The following CTPS1 variants were observed in gnomAD, a reference collection of about 807,000 sequenced individuals.
CTPS1 encodes CTP synthetase 1.
Under a neutral mutation model 80.5 loss-of-function variants are expected in CTPS1, and 25 were observed. The observed-to-expected ratio is 0.31, with a 90% CI of 0.23 to 0.43. The LOEUF is 0.43. CTPS1 is among the 20% of genes least tolerant of loss of function. The probability of loss-of-function intolerance (pLI) is 1.00; values close to 1 mark genes in which losing one functional copy is unlikely to be tolerated. For missense variants in CTPS1, 442 were observed against 725.7 expected (o/e 0.61, Z 4.49); for synonymous variants, 267 against 252.5 (o/e 1.06, Z -0.54).
At chr1:40,983,148 G>A in intron 1 of CTPS1, 130 bp from the exon 2 acceptor site, 1 of 684,310 alleles carries the variant, frequency 1.5e-6, no homozygotes, top group Non-Finnish European at 2.4e-6. Context: ...ACCTTCTGAA[G>A]TCCTGTGACA....
At position 41,007,954 on chromosome 1, in the gene CTPS1, G is replaced by A. The variant is rs1204859050; in HGVS notation, c.1393+409G>A. On this transcript the variant is annotated intron_variant, in intron 14 of 18. Coordinates refer to ENST00000650070, the MANE Select transcript of CTPS1 (RefSeq NM_001905.4). This position sits in a 1 kb window ranked among gnomAD's most constrained non-coding sequence, Gnocchi z 4.4. ...AATAAAGTACTAATAGATGCTGAAG[G>A]TTTAGGGTAGTTTTCGGAGGAAAAT... Among the ~76,000 whole-genome samples, 4 of 152,226 alleles carry A rather than the reference G, an allele frequency of 2.6e-5. No individual in the cohort carries two copies. Among genetic ancestry groups the A allele is most frequent in the Non-Finnish European group, 5.9e-5 (4 of 68,030 alleles).
intron 4 of CTPS1, 42 bp downstream of exon 4, chr1:40,987,514 C>T (rs199692447): frequency 1.5e-6 from 2 of 1,365,196 alleles, no homozygotes; most frequent in Non-Finnish European, 2.1e-6. Context: ...GTACTCATCT[C>T]CTTAGTCAGC....
intron 9 of CTPS1, 90 bp from the exon 10 acceptor site, chr1:41,000,939 T>G (rs1003035458): frequency 1.9e-5 from 15 of 782,278 alleles, no homozygotes; most frequent in Non-Finnish European, 2.9e-5. Context: ...GAAAGACAAC[T>G]TTGATAAAAT....
At chr1:41,005,003 C>T (rs1642997444) in intron 12 of CTPS1, among the ~76,000 whole-genome samples, 1 of 151,876 alleles carries the variant, frequency 6.6e-6, no homozygotes, top group Admixed American at 6.6e-5. Context: ...GTGGTGTGCG[C>T]CTGTAATCCC....
At chr1:40,984,768 C>T in intron 2 of CTPS1, 53 bp from the exon 3 acceptor site, 1 of 1,325,822 alleles carries the variant, frequency 7.5e-7, no homozygotes, top group Non-Finnish European at 1.0e-6. Flanking sequence ...TGCAGTTGTG[C>T]CATGGTATAG....
At chr1:40,988,035 C>T (rs1642500555) in intron 4 of CTPS1, among the ~76,000 whole-genome samples, 1 of 152,142 alleles carries the variant, frequency 6.6e-6, no homozygotes, top group Non-Finnish European at 1.5e-5. Context: ...ACCTTAGCCT[C>T]CCAAGTAGCT....
chr1:40,988,007 G>C lies in CTPS1; in HGVS notation c.438+535G>C, dbSNP rs572715374. On this transcript the variant is annotated intron_variant, in intron 4 of 18. Transcript: ENST00000650070. ...GGCTCACTGCAACCTTGACCTCCTGGGCTCAAGCAGTTCTCCTACCTTAGC... is the reference window on the plus strand; with the variant it reads ...GGCTCACTGCAACCTTGACCTCCTGCGCTCAAGCAGTTCTCCTACCTTAGC... Among the ~76,000 whole-genome samples, 14 of 152,148 alleles carry C rather than the reference G, an allele frequency of 9.2e-5. No homozygotes were observed. In the East Asian group the frequency reaches 1.2e-3, roughly 13 times the overall value.
At chr1:40,998,809 C>G (rs1355301643) in intron 9 of CTPS1, among the ~76,000 whole-genome samples, 1 of 152,172 alleles carries the variant, frequency 6.6e-6, no homozygotes, top group African/African-American at 2.4e-5. Context: ...CTTTCTACTT[C>G]CCAGGTGTTT....
chr1:40,992,039 C>G (rs185783607), intron 7 of CTPS1, among the ~76,000 whole-genome samples, 194 bp downstream of exon 7: 2 of 152,278 alleles, frequency 1.3e-5, no homozygotes, highest in Admixed American at 1.3e-4. Context: ...GCCTCTTCTC[C>G]GTGCCTCGTT....
intron 1 of CTPS1, chr1:40,980,739 GCCTTCCGTCA>G (rs1342524881): frequency 6.6e-6 from 1 of 152,218 alleles, no homozygotes; most frequent in African/African-American, 2.4e-5. Flanking sequence ...ACCTTCTTGC[GCCTTCCGTCA>G]CCTTCAGGAT....
chr1:40,990,619 G>C (rs992426653), intron 5 of CTPS1, among the ~76,000 whole-genome samples: 2 of 148,440 alleles, frequency 1.3e-5, no homozygotes, highest in Non-Finnish European at 3.0e-5. Flanking sequence ...AGCCTGTCTC[G>C]ATTTAAAAAA....
rs114122476 is a variant in CTPS1, at chr1:41,003,035, G to A, written c.1190-79G>A. 5.8e-4 allele frequency: 797 copies of A among 1,372,766 alleles called. 4 individuals carry two copies. In the African/African-American group the frequency reaches 9.7e-3, roughly 17 times the overall value. 85.0% of individuals were successfully genotyped at this position (1,372,766 alleles called of 1,614,324 possible). The stretch of plus-strand genomic sequence containing the variant: ...AATTCTCCAAATAAAGGACACAAAG[G>A]CCATTGCAGAGGCTGCTGGGAAAAG... On this transcript the variant is annotated intron_variant, in intron 11 of 18. Transcript: ENST00000650070.
At chr1:40,985,203 A>G (rs1223220299) in intron 3 of CTPS1, among the ~76,000 whole-genome samples, 2 of 152,266 alleles carry the variant, frequency 1.3e-5, no homozygotes, top group Non-Finnish European at 2.9e-5. Context: ...AAATAATTTG[A>G]AGAACTACTT....
chr1:41,010,351 C>T (rs1643141380), intron 18 of CTPS1, 97 bp downstream of exon 18: 1 of 822,956 alleles, frequency 1.2e-6, no homozygotes, highest in Admixed American at 2.3e-5. Flanking sequence ...AAATTTTTAT[C>T]TGCCAGGAAT....
At chr1:40,979,874 C>G (rs1428783573) in intron 1 of CTPS1, 45 bp downstream of exon 1, 1 of 152,210 alleles carries the variant, frequency 6.6e-6, no homozygotes, top group Non-Finnish European at 1.5e-5. Flanking sequence ...TTCTCCCGCG[C>G]AGGAGTCAGC....
At chr1:41,005,398 C>T (rs1177076420) in intron 12 of CTPS1, among the ~76,000 whole-genome samples, 5 of 151,856 alleles carry the variant, frequency 3.3e-5, no homozygotes, top group East Asian at 1.9e-4. Flanking sequence ...GCCGAGATCA[C>T]GCCATTGCAC....
intron 11 of CTPS1, among the ~76,000 whole-genome samples, chr1:41,002,462 C>G (rs1279909479): frequency 6.6e-6 from 1 of 152,080 alleles, no homozygotes; most frequent in Non-Finnish European, 1.5e-5. Flanking sequence ...ATGTAGATGT[C>G]GTGGAATTTT....
At chr1:40,998,426 G>C (rs1642816073) in intron 9 of CTPS1, among the ~76,000 whole-genome samples, 1 of 147,698 alleles carries the variant, frequency 6.8e-6, no homozygotes, top group African/African-American at 2.5e-5. Context: ...AAAAAAACAT[G>C]GATGCCTGAG....
At chr1:40,996,817 C>T (rs929088435) in intron 8 of CTPS1, among the ~76,000 whole-genome samples, 1 of 152,118 alleles carries the variant, frequency 6.6e-6, no homozygotes, top group African/African-American at 2.4e-5. Flanking sequence ...ACAATGAAAA[C>T]TTTTAATGAG....
Sources: gnomAD v4.1 joint callset for allele counts (sites outside exome capture counted in the v4.1 genomes callset) on GRCh38, gnomAD v4.1.1 for gene constraint, Gnocchi (gnomAD v3.1) non-coding constraint, MANE v1.5 for transcripts, NCBI Gene and HGNC (gene_info 2026-07-23, HGNC 2026-07-21) for gene names.